AGBL5: variants seen among roughly 807,000 people sequenced by gnomAD.
AGBL5 encodes AGBL carboxypeptidase 5.
AGBL5 carries 51 observed loss-of-function variants against 88.0 expected under a neutral mutation model. The observed-to-expected ratio is 0.58, with a 90% CI of 0.46 to 0.73. AGBL5 has a LOEUF of 0.73. Among genes scored for constraint, AGBL5 ranks in the 30% least tolerant of loss-of-function variants. The probability of loss-of-function intolerance (pLI) is 0.00; values close to 1 mark genes in which losing one functional copy is unlikely to be tolerated. For synonymous variants in AGBL5, 446 were observed against 438.8 expected (o/e 1.02, Z -0.21); for missense variants, 1,031 against 1,162.2 (o/e 0.89, Z 1.64).
chr2:27,057,142 C>CA (rs1668474564), intron 8 of AGBL5, 161 bp from the exon 9 acceptor site: 2 of 738,920 alleles, frequency 2.7e-6, no homozygotes, highest in East Asian at 5.5e-5. Context: ...GTATATGGTA[C>CA]AGTACCAAGG....
intron 11 of AGBL5, among the ~76,000 whole-genome samples, chr2:27,065,098 C>G (rs1302369608): frequency 6.6e-6 from 1 of 152,098 alleles, no homozygotes; most frequent in African/African-American, 2.4e-5. Flanking sequence ...CCTGCTAATT[C>G]CCAGTGTGGC....
intron 11 of AGBL5, among the ~76,000 whole-genome samples, chr2:27,067,199 C>T (rs1669029986): frequency 6.9e-6 from 1 of 145,098 alleles, no homozygotes; most frequent in African/African-American, 2.6e-5. Flanking sequence ...CTCGGTGAGC[C>T]ATGATCGTGC....
Position 27,053,371 on chromosome 2 carries a change from G to T in AGBL5, c.216-31G>T, listed in dbSNP as rs375548746. On this transcript the variant is annotated intron_variant, in intron 2 of 14. Transcript: ENST00000360131. The surrounding 1 kb of genome is among the most constrained non-coding windows in gnomAD (Gnocchi z 4.9). Reference sequence around the variant, plus strand: ...GACCATATCTCCAACCCTTCCACACGTAATGACCTCTCTCTTACTCTGGTC... The same window carrying T: ...GACCATATCTCCAACCCTTCCACACTTAATGACCTCTCTCTTACTCTGGTC... The T allele has an allele frequency of 6.2e-7, 1 of 1,608,810 alleles. No individual in the cohort carries two copies.
rs763943303 is a variant in AGBL5 at position 27,053,201 on chromosome 2, A to G, written c.215+28A>G. On this transcript the variant is annotated intron_variant, in intron 2 of 14. Transcript: ENST00000360131. This position sits in a 1 kb window ranked among gnomAD's most constrained non-coding sequence, Gnocchi z 4.9. The stretch of plus-strand genomic sequence containing the variant: ...ATATGGAACGAAATGGAGGGTGGAA[A>G]AAGGCTCCAAACCCATGCTTCAGTT... 1.5e-5 allele frequency: 24 copies of G among 1,556,876 alleles called. No individual in the cohort carries two copies. In the African/African-American group the frequency reaches 2.3e-4, roughly 15 times the overall value.
rs746514294 is a variant in AGBL5 at position 27,070,267 on chromosome 2, T to C, written c.*4T>C. On this transcript the variant is annotated 3_prime_UTR_variant, in exon 15 of 15. Coordinates refer to ENST00000360131, the MANE Select transcript of AGBL5 (RefSeq NM_021831.6). ...GACTGTTTCTCCCCGGGTCTGATAA[T>C]GCCTTTATGTTCAAGCCCAGGATAT... 5 of 1,614,106 alleles carry C rather than the reference T, an allele frequency of 3.1e-6. No homozygotes were observed. Among genetic ancestry groups the C allele is most frequent in the Non-Finnish European group, 4.2e-6 (5 of 1,179,914 alleles).
chr2:27,055,307 C>A (rs1367941499), intron 6 of AGBL5, 54 bp downstream of exon 6: 4 of 1,576,522 alleles, frequency 2.5e-6, no homozygotes, highest in Non-Finnish European at 3.5e-6. Context: ...TCATGCCCTG[C>A]ATCTCAGTGA....
rs1209104357 is a variant in AGBL5 at position 27,058,457 on chromosome 2, C to T, written c.1729C>T (p.Arg577Ter). ...LDMAECNPWP[R>*]IVLSEHSSLT... is the part of the protein sequence containing the mutation. Reference sequence around the variant, plus strand: ...CATGGCGGAATGTAATCCGTGGCCCCGAATTGTACTGTCAGAGCACAGCAG... The same window carrying T: ...CATGGCGGAATGTAATCCGTGGCCCTGAATTGTACTGTCAGAGCACAGCAG... The change falls in exon 10 of 15, where the codon CGA (arginine) becomes TGA (stop). Residue 577 changes from arginine (R) to a stop codon, truncating the protein, a stop_gained. Transcript: ENST00000360131. LOFTEE classifies it high-confidence loss of function. 1.9e-6 allele frequency: 3 copies of T among 1,613,836 alleles called. No individual in the cohort carries two copies. Among genetic ancestry groups the T allele is most frequent in the Middle Eastern group, 1.7e-4 (1 of 5,930 alleles).
chr2:27,053,225 TTAGCCC>T lies in AGBL5; in HGVS notation c.215+54_215+59del, dbSNP rs773817914. ...AAAAGGCTCCAAACCCATGCTTCAG[TTAGCCC>T]TCTGACTTATCTGTTCATACCCAGC... is the stretch of plus-strand genomic sequence containing the variant. On this transcript the variant is annotated intron_variant, in intron 2 of 14. Transcript: ENST00000360131. The surrounding 1 kb of genome is among the most constrained non-coding windows in gnomAD (Gnocchi z 4.9). The T allele has an allele frequency of 1.9e-6, 3 of 1,541,022 alleles. No homozygotes were observed. The Admixed American group carries it at 5.7e-5, about 29-fold the overall frequency.
upstream of AGBL5, chr2:27,050,960 C>T (rs898467144): frequency 2.0e-5 from 3 of 152,360 alleles, no homozygotes; most frequent in Admixed American, 1.3e-4. Flanking sequence ...ATTCGTACTG[C>T]CGTCAGTCCA....
intron 11 of AGBL5, among the ~76,000 whole-genome samples, chr2:27,062,119 C>CTTTT (rs11295283): frequency 3.4e-5 from 3 of 88,848 alleles, no homozygotes; most frequent in Admixed American, 1.3e-4. Flanking sequence ...CCATCTAGGC[C>CTTTT]TTTTTTTTTT....
chr2:27,053,185 G>A lies in AGBL5; in HGVS notation c.215+12G>A, dbSNP rs770356217. The A allele has an allele frequency of 5.1e-6, 8 of 1,568,374 alleles. No individual in the cohort carries two copies. The highest frequency in any genetic ancestry group is 2.3e-5 in the East Asian group (1 of 44,306). ...GAGAATGGGAACAGGTATATGGAAC[G>A]AAATGGAGGGTGGAAAAAGGCTCCA... is the stretch of plus-strand genomic sequence containing the variant. On this transcript the variant is annotated intron_variant, in intron 2 of 14. Coordinates refer to ENST00000360131, the MANE Select transcript of AGBL5 (RefSeq NM_021831.6). The surrounding 1 kb of genome is among the most constrained non-coding windows in gnomAD (Gnocchi z 4.9).
At chr2:27,063,168 CAA>C (rs1271270311) in intron 11 of AGBL5, among the ~76,000 whole-genome samples, 1 of 152,204 alleles carries the variant, frequency 6.6e-6, no homozygotes, top group Admixed American at 6.5e-5. Context: ...CCACTGCAAA[CAA>C]AAGCTTCAGG....
At chr2:27,068,304 C>T (rs953815667) in intron 12 of AGBL5, among the ~76,000 whole-genome samples, 1 of 152,092 alleles carries the variant, frequency 6.6e-6, no homozygotes, top group South Asian at 2.1e-4. Flanking sequence ...GGGTGCGTTC[C>T]GATTCTAGCC....
chr2:27,051,039 T>TA (rs1444650287), upstream of AGBL5: 2 of 152,252 alleles, frequency 1.3e-5, no homozygotes, highest in African/African-American at 4.8e-5. Flanking sequence ...TGGTAACGTG[T>TA]TTTAGAATGT....
At chr2:27,054,345 A>ATACCTT (rs1668322987) in intron 4 of AGBL5, 3 of 556,226 alleles carry the variant, frequency 5.4e-6, no homozygotes. Context: ...GTGACTCAGT[A>ATACCTT]TACCTTTTTT....
intron 7 of AGBL5, 130 bp from the exon 8 acceptor site, chr2:27,056,493 A>G: frequency 1.2e-6 from 1 of 824,668 alleles, no homozygotes; most frequent in Non-Finnish European, 1.9e-6. Context: ...TTCAGGCAGC[A>G]CTGATTACTG....
chr2:27,057,981 C>G (rs1195972406), intron 9 of AGBL5, among the ~76,000 whole-genome samples: 1 of 151,438 alleles, frequency 6.6e-6, no homozygotes, highest in East Asian at 1.9e-4. Flanking sequence ...GAGGCTGAGG[C>G]AGGAGAATCA....
At chr2:27,059,434 G>A (rs758688212) in intron 11 of AGBL5, 30 bp downstream of exon 11, 4 of 1,612,706 alleles carry the variant, frequency 2.5e-6, no homozygotes, top group East Asian at 2.2e-5. Context: ...CCTGCAACAT[G>A]TGTTCGGTTG....
chr2:27,062,357 C>T (rs983406561), intron 11 of AGBL5: 1 of 151,504 alleles, frequency 6.6e-6, no homozygotes, highest in Non-Finnish European at 1.5e-5. Context: ...AACTCCCAAC[C>T]TCAGGCAATC....
Sources: gnomAD v4.1 joint callset for allele counts (sites outside exome capture counted in the v4.1 genomes callset) on GRCh38, gnomAD v4.1.1 for gene constraint, Gnocchi (gnomAD v3.1) non-coding constraint, MANE v1.5 for transcripts, NCBI Gene and HGNC (gene_info 2026-07-23, HGNC 2026-07-21) for gene names.